Variants in GALNTL6 observed in about 807,000 individuals in gnomAD.
The protein encoded by GALNTL6 is polypeptide N-acetylgalactosaminyltransferase like 6.
GALNTL6 carries 46 observed loss-of-function variants against 73.7 expected under a neutral mutation model. The ratio of observed to expected loss-of-function variants is 0.62; its 90% confidence interval spans 0.49 to 0.80. The LOEUF (loss-of-function observed/expected upper bound fraction) is 0.80. GALNTL6 is among the 30% of genes least tolerant of loss of function. GALNTL6 has a pLI of 0.00. For synonymous variants in GALNTL6, 259 were observed against 263.7 expected (o/e 0.98, Z 0.17); for missense variants, 604 against 755.0 (o/e 0.80, Z 2.34).
At chr4:171,997,062 T>G (rs2110750272) in intron 2 of GALNTL6, among the ~76,000 whole-genome samples, 1 of 152,270 alleles carries the variant, frequency 6.6e-6, no homozygotes, top group Non-Finnish European at 1.5e-5. Flanking sequence ...TGTATTTGTC[T>G]GCAGAATACT....
chr4:171,865,085 G>C (rs768033060), intron 2 of GALNTL6, among the ~76,000 whole-genome samples: 1 of 152,012 alleles, frequency 6.6e-6, no homozygotes, highest in Non-Finnish European at 1.5e-5. Flanking sequence ...GGCGGAGATT[G>C]CCGTGAACCG....
intron 2 of GALNTL6, among the ~76,000 whole-genome samples, chr4:172,228,981 A>G (rs942334467): frequency 1.3e-5 from 2 of 152,240 alleles, no homozygotes; most frequent in Admixed American, 6.5e-5. Context: ...CTATGTTTCC[A>G]GAAATCTAGA....
chr4:172,379,536 CAAAAAAAA>C (rs71592073), intron 5 of GALNTL6, among the ~76,000 whole-genome samples: 1 of 75,692 alleles, frequency 1.3e-5, no homozygotes, highest in Non-Finnish European at 2.3e-5. Flanking sequence ...GACTCCGTCT[CAAAAAAAA>C]AAAAAAAAAA....
chr4:172,081,264 A>G (rs979668151), intron 2 of GALNTL6, among the ~76,000 whole-genome samples: 5 of 152,254 alleles, frequency 3.3e-5, no homozygotes, highest in Admixed American at 2.6e-4. Flanking sequence ...TGCATCTGGC[A>G]TTTGTTTGTG....
intron 2 of GALNTL6, among the ~76,000 whole-genome samples, chr4:172,132,791 G>GA (rs1212306173): frequency 6.6e-6 from 1 of 151,902 alleles, no homozygotes; most frequent in African/African-American, 2.4e-5. Flanking sequence ...GAGATTTGAA[G>GA]AAAAAAATCT....
chr4:172,548,087 G>A (rs1461791710), intron 5 of GALNTL6, among the ~76,000 whole-genome samples: 1 of 152,176 alleles, frequency 6.6e-6, no homozygotes, highest in Non-Finnish European at 1.5e-5. Context: ...GATAAAATGA[G>A]TCCTACAGAA....
chr4:172,365,705 T>TA (rs11303194), intron 5 of GALNTL6, among the ~76,000 whole-genome samples: 348 of 133,232 alleles, frequency 2.6e-3, no homozygotes, highest in African/African-American at 5.2e-3. Flanking sequence ...GTGGGAAATC[T>TA]AAAAAAAAAA....
chr4:172,189,384 A>C (rs1213861593), intron 2 of GALNTL6, among the ~76,000 whole-genome samples: 1 of 152,182 alleles, frequency 6.6e-6, no homozygotes, highest in Non-Finnish European at 1.5e-5. Flanking sequence ...TATAAGGCCA[A>C]TTCCTTGTAT....
Position 172,067,843 on chromosome 4 carries a change from T to C in GALNTL6, c.139-161813T>C, listed in dbSNP as rs1231267268. ...ACCAAAGGTGAAAACAGAGCTTTCATTGGGCTGATTAGTTGAGCCATTGCA... is the reference window on the plus strand; with the variant it reads ...ACCAAAGGTGAAAACAGAGCTTTCACTGGGCTGATTAGTTGAGCCATTGCA... On this transcript the variant is annotated intron_variant, in intron 2 of 12. Coordinates refer to ENST00000506823, the MANE Select transcript of GALNTL6 (RefSeq NM_001034845.3). Among the ~76,000 whole-genome samples, 2 of 110,310 alleles carry C rather than the reference T, an allele frequency of 1.8e-5. 1 individual carries two copies. The highest frequency in any genetic ancestry group is 6.8e-5 in the African/African-American group (2 of 29,224). 72.4% of individuals were successfully genotyped at this position (110,310 alleles called of 152,430 possible).
At chr4:171,862,709 A>T (rs779887086) in intron 2 of GALNTL6, among the ~76,000 whole-genome samples, 1 of 152,080 alleles carries the variant, frequency 6.6e-6, no homozygotes, top group Non-Finnish European at 1.5e-5. Flanking sequence ...AAATATCTTG[A>T]CTTTAGTAAG....
chr4:172,698,071 G>A (rs1340653310), intron 5 of GALNTL6, among the ~76,000 whole-genome samples: 1 of 152,050 alleles, frequency 6.6e-6, no homozygotes, highest in African/African-American at 2.4e-5. Flanking sequence ...TTTGAGGCTG[G>A]CATTATTCCC....
chr4:172,840,068 C>T (rs1352912836), intron 7 of GALNTL6, among the ~76,000 whole-genome samples: 2 of 152,278 alleles, frequency 1.3e-5, no homozygotes, highest in Admixed American at 6.5e-5. Flanking sequence ...AAAATAAACA[C>T]ATCCACAGTA....
intron 5 of GALNTL6, among the ~76,000 whole-genome samples, chr4:172,790,297 C>T (rs1036706850): frequency 6.6e-6 from 1 of 152,144 alleles, no homozygotes; most frequent in African/African-American, 2.4e-5. Flanking sequence ...AAGGCCTAAC[C>T]CCAATGTGAC....
intron 8 of GALNTL6, among the ~76,000 whole-genome samples, chr4:172,888,462 A>G (rs1312893055): frequency 6.6e-6 from 1 of 152,002 alleles, no homozygotes; most frequent in Non-Finnish European, 1.5e-5. Flanking sequence ...CCTATTGCTT[A>G]TTTTTGTCAA....
chr4:172,387,136 A>G (rs919611664), intron 5 of GALNTL6, among the ~76,000 whole-genome samples: 2 of 152,106 alleles, frequency 1.3e-5, no homozygotes, highest in Non-Finnish European at 2.9e-5. Context: ...CAAAGGGCCC[A>G]CCTCCAAATA....
chr4:171,929,430 G>C (rs1230894444), intron 2 of GALNTL6, among the ~76,000 whole-genome samples: 2 of 152,152 alleles, frequency 1.3e-5, no homozygotes, highest in East Asian at 3.8e-4. Flanking sequence ...ATATCTTGGT[G>C]ATGTGAGCAC....
intron 2 of GALNTL6, among the ~76,000 whole-genome samples, chr4:171,931,814 T>C (rs1034457320): frequency 2.0e-5 from 3 of 152,176 alleles, no homozygotes; most frequent in African/African-American, 7.2e-5. Context: ...ATTATAAGAA[T>C]AATTATTAAG....
At chr4:172,039,378 A>G (rs1401151195) in intron 2 of GALNTL6, among the ~76,000 whole-genome samples, 1 of 152,212 alleles carries the variant, frequency 6.6e-6, no homozygotes, top group African/African-American at 2.4e-5. Flanking sequence ...AGGAAGTCTT[A>G]AAAGTATAAT....
At chr4:172,711,854 C>T (rs1032832984) in intron 5 of GALNTL6, among the ~76,000 whole-genome samples, 22 of 152,076 alleles carry the variant, frequency 1.4e-4, no homozygotes, top group African/African-American at 4.6e-4. Flanking sequence ...GAAGACAGGA[C>T]GTCCACAACT....
Sources: gnomAD v4.1 joint callset for allele counts (sites outside exome capture counted in the v4.1 genomes callset) on GRCh38, gnomAD v4.1.1 for gene constraint, MANE v1.5 for transcripts, NCBI Gene and HGNC (gene_info 2026-07-23, HGNC 2026-07-21) for gene names.